Variants in BICC1 observed in about 807,000 individuals in gnomAD.
The protein encoded by BICC1 is protein bicaudal C homolog 1.
A neutral mutation model predicts 111.0 loss-of-function variants in BICC1; 43 were observed. That is an observed-to-expected ratio of 0.39 (90% CI 0.30 to 0.50). BICC1 has a LOEUF of 0.50. Ranked by LOEUF, BICC1 falls within the 20% of genes least tolerant of loss-of-function variation. BICC1 has a pLI of 0.88. For synonymous variants in BICC1, 467 were observed against 434.4 expected, an observed-to-expected ratio of 1.07 and a Z score of -0.93; for missense variants, 1,091 against 1,203.2, an observed-to-expected ratio of 0.91 and a Z score of 1.38.
At chr10:58,639,975 T>C (rs572694255) in intron 2 of BICC1, among the ~76,000 whole-genome samples, 2 of 152,180 alleles carry the variant, frequency 1.3e-5, no homozygotes, top group East Asian at 3.9e-4. Context: ...TGCAGTGTAG[T>C]ATTGAGAAAC....
intron 1 of BICC1, among the ~76,000 whole-genome samples, chr10:58,516,176 G>T (rs1348010523): frequency 6.6e-6 from 1 of 152,112 alleles, no homozygotes; most frequent in African/African-American, 2.4e-5. Context: ...ATAGGTACAG[G>T]TTTCCAATTT....
At chr10:58,583,580 CTCTCTGTGTG>C (rs1170172253) in intron 1 of BICC1, among the ~76,000 whole-genome samples, 4 of 65,542 alleles carry the variant, frequency 6.1e-5, no homozygotes, top group African/African-American at 2.1e-4. Flanking sequence ...AGTATTCTCT[CTCTCTGTGTG>C]TGTGTGTGTG....
At chr10:58,634,396 G>A (rs1837892256) in intron 2 of BICC1, among the ~76,000 whole-genome samples, 1 of 152,080 alleles carries the variant, frequency 6.6e-6, no homozygotes, top group Admixed American at 6.6e-5. Flanking sequence ...TCTTAATCTA[G>A]AGCACCATTC....
intron 8 of BICC1, among the ~76,000 whole-genome samples, chr10:58,790,833 C>T (rs60473653): frequency 6.6e-6 from 1 of 152,282 alleles, no homozygotes; most frequent in South Asian, 2.1e-4. Context: ...ATGAAATAAA[C>T]TATCCCAGTG....
chr10:58,769,454 A>G (rs1357424292), intron 3 of BICC1, among the ~76,000 whole-genome samples: 5 of 135,316 alleles, frequency 3.7e-5, no homozygotes, highest in Non-Finnish European at 8.1e-5. Flanking sequence ...TAATAGATAT[A>G]CTTTTTATTT....
chr10:58,752,565 GCTGT>G (rs780492467), intron 3 of BICC1, among the ~76,000 whole-genome samples: 28 of 152,114 alleles, frequency 1.8e-4, no homozygotes, highest in Non-Finnish European at 8.8e-5. Context: ...CTGCTAGGCT[GCTGT>G]CTTTCTTCTC....
intron 3 of BICC1, among the ~76,000 whole-genome samples, chr10:58,759,900 A>G (rs1842258807): frequency 6.6e-6 from 1 of 151,190 alleles, no homozygotes; most frequent in African/African-American, 2.4e-5. Context: ...CGGAGCTTGC[A>G]GTGAGCCGAG....
chr10:58,738,872 T>C (rs1284620831), intron 3 of BICC1, among the ~76,000 whole-genome samples: 3 of 152,018 alleles, frequency 2.0e-5, no homozygotes, highest in Non-Finnish European at 4.4e-5. Flanking sequence ...AGTTCACTCA[T>C]GATTTGGCTC....
At chr10:58,623,337 T>G (rs1016462991) in intron 2 of BICC1, among the ~76,000 whole-genome samples, 1 of 152,194 alleles carries the variant, frequency 6.6e-6, no homozygotes, top group African/African-American at 2.4e-5. Context: ...ACATATTATC[T>G]CAAATTTGAG....
intron 3 of BICC1, among the ~76,000 whole-genome samples, chr10:58,708,477 G>A (rs1195633874): frequency 6.6e-6 from 1 of 152,148 alleles, no homozygotes; most frequent in East Asian, 1.9e-4. Flanking sequence ...AAGAGCAGAG[G>A]TTTAATAGGC....
At chr10:58,619,642 T>C (rs1845733700) in intron 1 of BICC1, among the ~76,000 whole-genome samples, 1 of 152,030 alleles carries the variant, frequency 6.6e-6, no homozygotes, top group African/African-American at 2.4e-5. Context: ...ACCCAGCTAA[T>C]TTTTGTATTT....
At chr10:58,749,603 C>G (rs1363366980) in intron 3 of BICC1, among the ~76,000 whole-genome samples, 1 of 152,098 alleles carries the variant, frequency 6.6e-6, no homozygotes, top group Non-Finnish European at 1.5e-5. Context: ...TCTCTTAAAA[C>G]TGTAATGTTA....
intron 1 of BICC1, among the ~76,000 whole-genome samples, chr10:58,595,554 A>G (rs192621512): frequency 1.3e-5 from 2 of 152,220 alleles, no homozygotes; most frequent in Admixed American, 6.5e-5. Context: ...ACTCAGGATT[A>G]AAAAACTCAC....
At chr10:58,703,853 A>G (rs984449825) in intron 3 of BICC1, among the ~76,000 whole-genome samples, 3 of 152,242 alleles carry the variant, frequency 2.0e-5, no homozygotes, top group Non-Finnish European at 4.4e-5. Flanking sequence ...TCAGTCTCCA[A>G]AGAAAATCCC....
chr10:58,664,718 G>T (rs1838955002), intron 2 of BICC1, among the ~76,000 whole-genome samples: 1 of 151,072 alleles, frequency 6.6e-6, no homozygotes. Context: ...CCACTTTTGT[G>T]TCTTGTAATT....
At chr10:58,607,939 G>A (rs981348294) in intron 1 of BICC1, among the ~76,000 whole-genome samples, 14 of 152,178 alleles carry the variant, frequency 9.2e-5, no homozygotes, top group African/African-American at 2.9e-4. Context: ...GGAGGAAATA[G>A]CTGTCCTTCC....
intron 3 of BICC1, among the ~76,000 whole-genome samples, chr10:58,765,624 C>T (rs1389260494): frequency 2.0e-5 from 3 of 152,176 alleles, no homozygotes; most frequent in African/African-American, 7.2e-5. Context: ...CCATTAATAT[C>T]TAAGATTTCA....
rs1244596505 is a variant in BICC1 at position 58,817,647 on chromosome 10, C to A, written c.2619C>A (p.Phe873Leu). Residue 873 changes from phenylalanine to leucine, a missense_variant, in exon 19 of 21, where the codon TTC (phenylalanine) becomes TTA (leucine). By Grantham distance (22) the Phe-to-Leu change is conservative. This residue lies in a region of BICC1 where 231 missense variants were observed against 256.2 expected (regional missense o/e 0.90). Coordinates refer to ENST00000373886, the MANE Select transcript of BICC1 (RefSeq NM_001080512.3). ...ATGGCTGTAACTTAAATAGCTCTTT[C>A]AAAGGTTCTGACCTCCCTGAGCTCT... is the stretch of plus-strand genomic sequence containing the variant. ...GSNGCNLNSS[F>L]KGSDLPELFS... The A allele has an allele frequency of 1.9e-6, 3 of 1,613,510 alleles. No homozygotes were observed. The highest frequency in any genetic ancestry group is 2.5e-6 in the Non-Finnish European group (3 of 1,179,626).
intron 1 of BICC1, among the ~76,000 whole-genome samples, chr10:58,520,113 G>A (rs1422570730): frequency 2.0e-5 from 3 of 152,044 alleles, no homozygotes; most frequent in Admixed American, 6.6e-5. Flanking sequence ...ATGTTTTGTC[G>A]TCTGAAATTG....
Sources: gnomAD v4.1 joint callset for allele counts (sites outside exome capture counted in the v4.1 genomes callset) on GRCh38, gnomAD v4.1.1 for gene constraint, gnomAD v4.1.1 regional missense constraint, MANE v1.5 for transcripts, NCBI Gene and HGNC (gene_info 2026-07-23, HGNC 2026-07-21) for gene names.